PCDHGA9: variants seen among roughly 807,000 people sequenced by gnomAD.
The protein encoded by PCDHGA9 is protocadherin gamma-A9.
PCDHGA9 carries 37 observed loss-of-function variants against 62.5 expected under a neutral mutation model. The ratio of observed to expected loss-of-function variants is 0.59; its 90% CI spans 0.46 to 0.78. PCDHGA9 has a LOEUF of 0.78. Ranked by LOEUF, PCDHGA9 falls within the 30% of genes least tolerant of loss-of-function variation. PCDHGA9 has a pLI of 0.00. For missense variants in PCDHGA9, 1,138 were observed against 1,166.2 expected (o/e 0.98, Z 0.35); for synonymous variants, 459 against 484.6 (o/e 0.95, Z 0.69).
At position 141,476,456 on chromosome 5, in the gene PCDHGA9, A is replaced by C; in HGVS notation, c.2425-18351A>C. The C allele has an allele frequency of 6.2e-7, 1 of 1,614,058 alleles. No homozygotes were observed. Among genetic ancestry groups the C allele is most frequent in the Non-Finnish European group, 8.5e-7 (1 of 1,180,010 alleles). On this transcript the variant is annotated intron_variant, in intron 1 of 3. Transcript: ENST00000573521. The surrounding 1 kb of genome is among the most constrained non-coding windows in gnomAD (Gnocchi z 7.6). ...TGTAACTCTGGAGTTGGTAGTGGAGAACCCGCTGGAGCTGTTCAGCGTGGA... is the reference window on the plus strand; with the variant it reads ...TGTAACTCTGGAGTTGGTAGTGGAGCACCCGCTGGAGCTGTTCAGCGTGGA...
chr5:141,477,260 G>A lies in PCDHGA9; in HGVS notation c.2425-17547G>A. On this transcript the variant is annotated intron_variant, in intron 1 of 3. Coordinates refer to ENST00000573521, the MANE Select transcript of PCDHGA9 (RefSeq NM_018921.3). This position sits in a 1 kb window ranked among gnomAD's most constrained non-coding sequence, Gnocchi z 4.9. ...GCTCAGTGTGACTGACCTGGATGCTGGCGAGAACGGGCTGGTGACCTGCGA... is the reference window on the plus strand; with the variant it reads ...GCTCAGTGTGACTGACCTGGATGCTAGCGAGAACGGGCTGGTGACCTGCGA... 6.2e-7 allele frequency: 1 copy of A among 1,614,200 alleles called. No homozygotes were observed. Among genetic ancestry groups the A allele is most frequent in the Non-Finnish European group, 8.5e-7 (1 of 1,180,048 alleles).
chr5:141,476,023 G>T lies in PCDHGA9; in HGVS notation c.2425-18784G>T. On this transcript the variant is annotated intron_variant, in intron 1 of 3. Coordinates refer to ENST00000573521, the MANE Select transcript of PCDHGA9 (RefSeq NM_018921.3). The surrounding 1 kb of genome is among the most constrained non-coding windows in gnomAD (Gnocchi z 7.6). Reference sequence around the variant, plus strand: ...CATCCAGAAAGCCATGTCGGACTCGGCGCCCAGCGCCCAAGCGCTAACCCG... The same window carrying T: ...CATCCAGAAAGCCATGTCGGACTCGTCGCCCAGCGCCCAAGCGCTAACCCG... The T allele has an allele frequency of 7.1e-7, 1 of 1,415,690 alleles. No individual in the cohort carries two copies. Among genetic ancestry groups the T allele is most frequent in the Non-Finnish European group, 9.5e-7 (1 of 1,057,324 alleles). 87.7% of individuals were successfully genotyped at this position (1,415,690 alleles called of 1,614,324 possible).
At chr5:141,482,234 A>G (rs11748256) in intron 1 of PCDHGA9, among the ~76,000 whole-genome samples, 44,758 of 152,044 alleles carry the variant, frequency 0.29, 7,110 homozygotes, top group African/African-American at 0.42. Context: ...GAAATTGCCA[A>G]TATAAGTATA....
intron 1 of PCDHGA9, chr5:141,417,573 C>A: frequency 2.7e-6 from 1 of 377,070 alleles, no homozygotes; most frequent in Non-Finnish European, 4.7e-6. Flanking sequence ...AGTCAAGTTG[C>A]AGTCCCACAC....
At chr5:141,508,434 G>A (rs2099868795) in intron 3 of PCDHGA9, among the ~76,000 whole-genome samples, 1 of 152,160 alleles carries the variant, frequency 6.6e-6, no homozygotes, top group Admixed American at 6.5e-5. Flanking sequence ...AGCTCACACA[G>A]TTCCTTAGTG....
At chr5:141,471,926 G>T (rs2099266798) in intron 1 of PCDHGA9, among the ~76,000 whole-genome samples, 1 of 152,110 alleles carries the variant, frequency 6.6e-6, no homozygotes, top group African/African-American at 2.4e-5. Flanking sequence ...AATTTTGGGG[G>T]TGATGAGAGT....
chr5:141,405,093 T>C lies in PCDHGA9; in HGVS notation c.2141T>C (p.Leu714Pro). 6.2e-7 allele frequency: 1 copy of C among 1,613,946 alleles called. No homozygotes were observed. The highest frequency in any genetic ancestry group is 8.5e-7 in the Non-Finnish European group (1 of 1,179,826). The change falls in exon 1 of 4, where the codon CTC becomes CCC. Residue 714 changes from leucine (L) to proline (P), a missense_variant. Coordinates refer to ENST00000573521, the MANE Select transcript of PCDHGA9 (RefSeq NM_018921.3). ...ACCTTCGTTATCACGCTGCTGGCCC[T>C]CAGGCTGAGGCACTGGCACTCCTCG... ...FLTFVITLLA[L>P]RLRHWHSSHL...
chr5:141,490,120 G>A lies in PCDHGA9; in HGVS notation c.2425-4687G>A. On this transcript the variant is annotated intron_variant, in intron 1 of 3. Coordinates refer to ENST00000573521, the MANE Select transcript of PCDHGA9 (RefSeq NM_018921.3). This position sits in a 1 kb window ranked among gnomAD's most constrained non-coding sequence, Gnocchi z 5.4. ...ATCTGAGGCAGTGCGGAACCTCTTT[G>A]GCCTAGACCCTAGCAGTGGGGCAAT... 6.2e-7 allele frequency: 1 copy of A among 1,614,224 alleles called. No homozygotes were observed. Among genetic ancestry groups the A allele is most frequent in the East Asian group, 2.2e-5 (1 of 44,888 alleles).
In PCDHGA9 at chr5:141,490,682, C is replaced by T. The variant is rs1286126848; in HGVS notation, c.2425-4125C>T. On this transcript the variant is annotated intron_variant, in intron 1 of 3. Coordinates refer to ENST00000573521, the MANE Select transcript of PCDHGA9 (RefSeq NM_018921.3). The surrounding 1 kb of genome is among the most constrained non-coding windows in gnomAD (Gnocchi z 5.4). ...CTTTGCACTGTGGCTGCCTCAGATC[C>T]AGACACTGGGGATAATGCCCGCCTC... 10 of 1,614,054 alleles carry T rather than the reference C, an allele frequency of 6.2e-6. No homozygotes were observed. The highest frequency in any genetic ancestry group is 3.3e-5 in the Admixed American group (2 of 60,008).
intron 1 of PCDHGA9, chr5:141,475,934 G>C (rs754356530): frequency 3.0e-6 from 2 of 665,118 alleles, no homozygotes; most frequent in Non-Finnish European, 5.0e-6. Context: ...TCGGGCCCCT[G>C]CCCGTCCCCT....
At chr5:141,422,911 G>A (rs375046528) in intron 1 of PCDHGA9, 5 of 1,614,118 alleles carry the variant, frequency 3.1e-6, no homozygotes, top group African/African-American at 2.7e-5. Flanking sequence ...CAATGCGCCC[G>A]AGATCCTGTA....
In PCDHGA9 at chr5:141,477,510, A is replaced by G; in HGVS notation, c.2425-17297A>G. On this transcript the variant is annotated intron_variant, in intron 1 of 3. Transcript: ENST00000573521. This position sits in a 1 kb window ranked among gnomAD's most constrained non-coding sequence, Gnocchi z 4.9. ...TCTTCTCAATCTTCCTACGACGTTT[A>G]CATTGAAGAAAACAACCTCCCCGGG... is the stretch of plus-strand genomic sequence containing the variant. 3 of 1,614,172 alleles carry G rather than the reference A, an allele frequency of 1.9e-6. No homozygotes were observed. Among genetic ancestry groups the G allele is most frequent in the Non-Finnish European group, 2.5e-6 (3 of 1,180,018 alleles).
chr5:141,432,589 G>T lies in PCDHGA9; in HGVS notation c.2424+27213G>T. ...CCTGGCTGTCCTACCGTCTGCTCAA[G>T]GCCAGCGAGCCGGGACTCTTCTCGG... On this transcript the variant is annotated intron_variant, in intron 1 of 3. Transcript: ENST00000573521. The surrounding 1 kb of genome is among the most constrained non-coding windows in gnomAD (Gnocchi z 6.0). 1 of 1,613,916 alleles carries T rather than the reference G, an allele frequency of 6.2e-7. No individual in the cohort carries two copies. Among genetic ancestry groups the T allele is most frequent in the Non-Finnish European group, 8.5e-7 (1 of 1,179,974 alleles).
At chr5:141,410,847 G>GTTTTT (rs773839667) in intron 1 of PCDHGA9, 12 of 158,330 alleles carry the variant, frequency 7.6e-5, no homozygotes, top group African/African-American at 2.5e-4. Flanking sequence ...TTTTGTCTTT[G>GTTTTT]TCTTTTTTTT....
chr5:141,498,230 C>T (rs2099782452), intron 2 of PCDHGA9, among the ~76,000 whole-genome samples: 1 of 152,200 alleles, frequency 6.6e-6, no homozygotes, highest in African/African-American at 2.4e-5. Flanking sequence ...GATGGTCAGG[C>T]ATACCAGCTT....
At chr5:141,482,673 G>A (rs1278135239) in intron 1 of PCDHGA9, among the ~76,000 whole-genome samples, 1 of 152,156 alleles carries the variant, frequency 6.6e-6, no homozygotes, top group Non-Finnish European at 1.5e-5. Context: ...TAAAGGTTGA[G>A]TAGTAGCTTG....
chr5:141,506,017 C>G (rs2099850061), intron 3 of PCDHGA9, among the ~76,000 whole-genome samples: 1 of 152,176 alleles, frequency 6.6e-6, no homozygotes, highest in Non-Finnish European at 1.5e-5. Flanking sequence ...TTTGCTGCCC[C>G]TAACTCCAGA....
chr5:141,497,210 G>T (rs988856908), intron 2 of PCDHGA9, among the ~76,000 whole-genome samples: 1 of 28,140 alleles, frequency 3.6e-5, no homozygotes, highest in African/African-American at 1.1e-3. Context: ...TGAGTGTAAT[G>T]GGGGGGGGAA....
In PCDHGA9 at chr5:141,486,110, G is replaced by A. The variant is rs780031943; in HGVS notation, c.2425-8697G>A. 1.2e-6 allele frequency: 2 copies of A among 1,614,162 alleles called. No individual in the cohort carries two copies. Among genetic ancestry groups the A allele is most frequent in the South Asian group, 1.1e-5 (1 of 91,078 alleles). On this transcript the variant is annotated intron_variant, in intron 1 of 3. Transcript: ENST00000573521. This position sits in a 1 kb window ranked among gnomAD's most constrained non-coding sequence, Gnocchi z 5.0. ...TTTGGGGCCCCTAGACTTTGAGAGT[G>A]AGAATTACTATGAATTTGATGTGCG...
Sources: allele counts gnomAD v4.1 joint callset (sites outside exome capture counted in the v4.1 genomes callset), GRCh38; gene constraint gnomAD v4.1.1; non-coding constraint Gnocchi (gnomAD v3.1); transcripts MANE v1.5; gene names NCBI Gene and HGNC (gene_info 2026-07-23, HGNC 2026-07-21).